The following SLC24A3 variants were observed in gnomAD, a reference collection of about 807,000 sequenced individuals.
SLC24A3 encodes the protein sodium/potassium/calcium exchanger 3.
A neutral mutation model predicts 75.8 loss-of-function variants in SLC24A3; 28 were observed. That is an observed-to-expected ratio of 0.37 (90% CI 0.27 to 0.51). The LOEUF is 0.51. Among genes scored for constraint, SLC24A3 ranks in the 20% least tolerant of loss-of-function variants. The pLI is 0.94. For missense variants in SLC24A3, 663 were observed against 847.8 expected, an observed-to-expected ratio of 0.78 and a Z score of 2.71; for synonymous variants, 372 against 334.1, an observed-to-expected ratio of 1.11 and a Z score of -1.24.
intron 6 of SLC24A3, among the ~76,000 whole-genome samples, chr20:19,640,800 T>C (rs1300144748): frequency 1.3e-5 from 2 of 152,222 alleles, no homozygotes; most frequent in Non-Finnish European, 2.9e-5. Flanking sequence ...CCTACAATTA[T>C]CACTGAACTT....
chr20:19,658,253 C>T (rs147538961), intron 7 of SLC24A3, among the ~76,000 whole-genome samples: 5 of 151,394 alleles, frequency 3.3e-5, no homozygotes, highest in Admixed American at 1.3e-4. Context: ...GCTGAGGGGC[C>T]GAGGGTTCAG....
intron 2 of SLC24A3, among the ~76,000 whole-genome samples, chr20:19,332,918 A>G (rs779691758): frequency 1.2e-4 from 19 of 152,044 alleles, no homozygotes; most frequent in Non-Finnish European, 2.6e-4. Flanking sequence ...CAATTTAGGG[A>G]GGATGCTCTA....
intron 4 of SLC24A3, among the ~76,000 whole-genome samples, chr20:19,583,529 C>CCA (rs2031249679): frequency 6.6e-6 from 1 of 152,004 alleles, no homozygotes; most frequent in East Asian, 1.9e-4. Context: ...ATTGCCAGGG[C>CCA]TGAAGTGAAC....
intron 2 of SLC24A3, among the ~76,000 whole-genome samples, chr20:19,440,331 G>A (rs1351915806): frequency 1.3e-5 from 2 of 152,214 alleles, no homozygotes; most frequent in African/African-American, 4.8e-5. Flanking sequence ...GGTTCTATCT[G>A]TAATCTCAGA....
chr20:19,589,658 G>C (rs1209315590), intron 6 of SLC24A3, among the ~76,000 whole-genome samples: 1 of 152,148 alleles, frequency 6.6e-6, no homozygotes, highest in African/African-American at 2.4e-5. Flanking sequence ...AAAGTGTCTA[G>C]GGCCAGGACA....
At chr20:19,354,317 G>A (rs1568597786) in intron 2 of SLC24A3, among the ~76,000 whole-genome samples, 2 of 152,172 alleles carry the variant, frequency 1.3e-5, no homozygotes, top group African/African-American at 2.4e-5. Context: ...CATGCTTTGT[G>A]ATTCTAGTTG....
intron 2 of SLC24A3, among the ~76,000 whole-genome samples, chr20:19,364,655 A>G (rs1230079240): frequency 1.3e-5 from 2 of 152,066 alleles, no homozygotes; most frequent in African/African-American, 2.4e-5. Context: ...GGGTTTTGCC[A>G]TGTTGCCCAG....
intron 2 of SLC24A3, among the ~76,000 whole-genome samples, chr20:19,388,189 T>C (rs894346576): frequency 1.3e-5 from 2 of 152,220 alleles, no homozygotes; most frequent in Non-Finnish European, 2.9e-5. Context: ...GTAGGTCTTC[T>C]TTATTTTTTC....
In SLC24A3 at chr20:19,696,903, C is replaced by A; in HGVS notation, c.1598C>A (p.Ala533Asp). ...GACTGCATGGCCAGCCTCATTGTGG[C>A]CAGACAAGGTGGGACTTCCAGTGGC... ...VPDCMASLIV[A>D]RQGMGDMAVS... Residue 533 changes from alanine to aspartate, a missense_variant, in exon 14 of 17, where the codon GCC becomes GAC. Coordinates refer to ENST00000328041, the MANE Select transcript of SLC24A3 (RefSeq NM_020689.4). 6.8e-7 allele frequency: 1 copy of A among 1,480,470 alleles called. No homozygotes were observed. The highest frequency in any genetic ancestry group is 9.1e-7 in the Non-Finnish European group (1 of 1,098,490). The allele number at this position is 1,480,470 out of a possible 1,614,324, so 91.7% of individuals were successfully genotyped here.
chr20:19,639,774 C>G (rs908378009), intron 6 of SLC24A3, among the ~76,000 whole-genome samples: 2 of 152,244 alleles, frequency 1.3e-5, no homozygotes, highest in Non-Finnish European at 2.9e-5. Context: ...AAGCCCTGCC[C>G]CGCGGGAAGG....
At chr20:19,329,407 A>C (rs1362090105) in intron 2 of SLC24A3, among the ~76,000 whole-genome samples, 1 of 152,192 alleles carries the variant, frequency 6.6e-6, no homozygotes. Flanking sequence ...TTACATGAGC[A>C]TACCTTCCCT....
At chr20:19,415,427 C>T (rs1458132557) in intron 2 of SLC24A3, among the ~76,000 whole-genome samples, 1 of 152,172 alleles carries the variant, frequency 6.6e-6, no homozygotes, top group Non-Finnish European at 1.5e-5. Context: ...ACCCTCAAGT[C>T]CACTCTCCCG....
intron 2 of SLC24A3, among the ~76,000 whole-genome samples, chr20:19,499,815 TG>T (rs947842922): frequency 6.6e-6 from 1 of 152,136 alleles, no homozygotes; most frequent in African/African-American, 2.4e-5. Flanking sequence ...TGTACACACA[TG>T]GATGCTACAT....
chr20:19,591,883 C>T (rs959530229), intron 6 of SLC24A3, among the ~76,000 whole-genome samples: 1 of 152,194 alleles, frequency 6.6e-6, no homozygotes, highest in African/African-American at 2.4e-5. Context: ...TCTGCTTTCC[C>T]TGGGCTGGTG....
chr20:19,638,903 G>C (rs932646965), intron 6 of SLC24A3, among the ~76,000 whole-genome samples: 1 of 152,120 alleles, frequency 6.6e-6, no homozygotes, highest in South Asian at 2.1e-4. Context: ...CCTTCGCAGT[G>C]AGTATTACAG....
chr20:19,255,740 G>A (rs979481320), intron 1 of SLC24A3, among the ~76,000 whole-genome samples: 2 of 152,200 alleles, frequency 1.3e-5, no homozygotes, highest in African/African-American at 4.8e-5. Context: ...GATGTGCTGT[G>A]AGTATAAAAT....
intron 3 of SLC24A3, among the ~76,000 whole-genome samples, chr20:19,528,532 G>T (rs1177808044): frequency 6.6e-6 from 1 of 152,100 alleles, no homozygotes; most frequent in Non-Finnish European, 1.5e-5. Flanking sequence ...TCTACACGTG[G>T]CCCTCACTAT....
rs531118765 is a variant in SLC24A3 at position 19,340,283 on chromosome 20, G to A, written c.271+59196G>A. On this transcript the variant is annotated intron_variant, in intron 2 of 16. Coordinates refer to ENST00000328041, the MANE Select transcript of SLC24A3 (RefSeq NM_020689.4). ...GGGAGCACTCCATGTGAAGATAAAG[G>A]CAGTTGCTGGGAGGCTGTGCCTGCA... Among the ~76,000 whole-genome samples the A allele has an allele frequency of 9.9e-5, 15 of 152,278 alleles. No individual in the cohort carries two copies. In the South Asian group the frequency reaches 1.9e-3, roughly 19 times the overall value.
At chr20:19,406,261 C>G (rs931260927) in intron 2 of SLC24A3, among the ~76,000 whole-genome samples, 6 of 151,306 alleles carry the variant, frequency 4.0e-5, no homozygotes, top group Non-Finnish European at 8.8e-5. Context: ...AATGTTGGTA[C>G]CAAATCATAC....
Sources: gnomAD v4.1 joint callset for allele counts (sites outside exome capture counted in the v4.1 genomes callset) on GRCh38, gnomAD v4.1.1 for gene constraint, MANE v1.5 for transcripts, NCBI Gene and HGNC (gene_info 2026-07-23, HGNC 2026-07-21) for gene names.